PDE1C: variants seen among roughly 807,000 people sequenced by gnomAD.
PDE1C encodes the protein phosphodiesterase 1C, also known as dual specificity calcium/calmodulin-dependent 3',5'-cyclic nucleotide phosphodiesterase 1C.
Under a neutral mutation model 93.1 loss-of-function variants are expected in PDE1C, and 62 were observed. The ratio of observed to expected loss-of-function variants is 0.67; its 90% CI spans 0.54 to 0.82. The LOEUF (loss-of-function observed/expected upper bound fraction) is 0.82, where lower values mean the gene tolerates loss of function less well. PDE1C is among the 40% of genes least tolerant of loss of function. PDE1C has a pLI of 0.00. For synonymous variants in PDE1C, 325 were observed against 310.1 expected (o/e 1.05, Z -0.50); for missense variants, 742 against 884.6 (o/e 0.84, Z 2.04).
chr7:31,629,682 G>A, the PDE1C span, among the ~76,000 whole-genome samples: 1 of 152,276 alleles, frequency 6.6e-6, no homozygotes, highest in South Asian at 2.1e-4. Context: ...CTCTCAAAAA[G>A]CATCCTCATA....
Position 31,850,705 on chromosome 7 carries a change from A to C in PDE1C, c.787T>G (p.Phe263Val), listed in dbSNP as rs1158222759. The C allele has an allele frequency of 6.2e-7, 1 of 1,613,462 alleles. No homozygotes were observed. The highest frequency in any genetic ancestry group is 1.1e-5 in the South Asian group (1 of 91,072). The change falls in exon 8 of 18, where the codon TTC becomes GTC. Residue 263 changes from phenylalanine (F) to valine (V), a missense_variant. Phe to Val is a conservative substitution (Grantham distance 50). Around this residue, in one of 4 missense-constraint regions of PDE1C, gnomAD observed 205 missense variants for 295.3 expected, o/e 0.69. Transcript: ENST00000396191. ...TCGTAGTCATGGATGGCAGCTGAGA[A>C]GATTATAGCAAAGATCTCCAGCTCC... ...LTELEIFAIIFSAAIHDYEHT... is the reference protein window; with the variant it reads ...LTELEIFAIIVSAAIHDYEHT...
chr7:32,055,328 T>A (rs187238660), intron 1 of PDE1C, among the ~76,000 whole-genome samples: 35 of 152,304 alleles, frequency 2.3e-4, no homozygotes, highest in African/African-American at 7.7e-4. Context: ...ACCTCCTCTG[T>A]TCCATTCCTC....
chr7:31,883,746 G>T lies in PDE1C; in HGVS notation c.129-2886C>A, dbSNP rs986320988. On this transcript the variant is annotated intron_variant, in intron 2 of 17. Transcript: ENST00000396191. ...CCAGAAGAGGAGTGGGGCCTTCAGG[G>T]AAAGCTTCACTTAGAATCTCACTCA... 2.6e-5 allele frequency among the ~76,000 whole-genome samples: 4 copies of T among 152,310 alleles called. No individual in the cohort carries two copies. In the South Asian group the frequency reaches 8.3e-4, roughly 32 times the overall value.
At chr7:31,711,205 C>T in the PDE1C span, among the ~76,000 whole-genome samples, 1 of 152,138 alleles carries the variant, frequency 6.6e-6, no homozygotes, top group Non-Finnish European at 1.5e-5. Context: ...TACAGATCCT[C>T]GTGTTCTTAT....
At chr7:32,020,343 G>A (rs1278313131) in intron 2 of PDE1C, among the ~76,000 whole-genome samples, 1 of 151,556 alleles carries the variant, frequency 6.6e-6, no homozygotes, top group Non-Finnish European at 1.5e-5. Context: ...GTTGGTCAAG[G>A]GACCAAAAAT....
intron 1 of PDE1C, among the ~76,000 whole-genome samples, chr7:32,324,515 C>A (rs534817450): frequency 1.5e-3 from 225 of 152,318 alleles, no homozygotes; most frequent in African/African-American, 5.1e-3. Context: ...CATGGGCATT[C>A]CCAAGTTAAT....
At chr7:31,740,661 G>A in the PDE1C span, among the ~76,000 whole-genome samples, 1 of 152,096 alleles carries the variant, frequency 6.6e-6, no homozygotes, top group African/African-American at 2.4e-5. Context: ...TTATTTATGT[G>A]AACTAGTTTT....
At chr7:32,159,694 G>A (rs1316920193) in intron 3 of PDE1C, among the ~76,000 whole-genome samples, 1 of 152,136 alleles carries the variant, frequency 6.6e-6, no homozygotes. Flanking sequence ...TTCTGGCAGG[G>A]GAGATGACAG....
intron 2 of PDE1C, among the ~76,000 whole-genome samples, chr7:31,978,702 G>T (rs575008743): frequency 0.012 from 1,861 of 152,254 alleles, 14 homozygotes; most frequent in Non-Finnish European, 0.021. Flanking sequence ...TTAACCTGAT[G>T]CCAGGGATGT....
chr7:32,173,806 G>A (rs1037096476), intron 2 of PDE1C, among the ~76,000 whole-genome samples: 10 of 152,152 alleles, frequency 6.6e-5, no homozygotes, highest in African/African-American at 2.2e-4. Context: ...CAGAAGGACA[G>A]CTCTGCCAGG....
chr7:32,077,826 C>A, intron 3 of PDE1C: 1 of 980,268 alleles, frequency 1.0e-6, no homozygotes, highest in South Asian at 4.7e-5. Flanking sequence ...GCCTCGGCCT[C>A]CCAAAATGCT....
chr7:31,834,486 G>C (rs760563269), intron 11 of PDE1C, among the ~76,000 whole-genome samples: 12 of 152,206 alleles, frequency 7.9e-5, no homozygotes, highest in Non-Finnish European at 1.5e-4. Flanking sequence ...AAGACCATGA[G>C]AACCCATCTC....
At chr7:31,632,479 A>C in the PDE1C span, among the ~76,000 whole-genome samples, 1 of 152,146 alleles carries the variant, frequency 6.6e-6, no homozygotes, top group African/African-American at 2.4e-5. Context: ...AAAATTATCC[A>C]TGACAGGATG....
intron 2 of PDE1C, among the ~76,000 whole-genome samples, chr7:31,963,428 C>T (rs1299609797): frequency 2.0e-5 from 3 of 152,138 alleles, no homozygotes; most frequent in Non-Finnish European, 4.4e-5. Context: ...GACTATTTCC[C>T]AGTTTATTCA....
chr7:32,078,882 C>T (rs781657122), intron 3 of PDE1C, among the ~76,000 whole-genome samples: 85 of 148,350 alleles, frequency 5.7e-4, no homozygotes, highest in Non-Finnish European at 1.1e-3. Context: ...GCCATGATCA[C>T]AGGATTACAC....
intron 3 of PDE1C, among the ~76,000 whole-genome samples, chr7:32,118,688 G>A (rs1438131624): frequency 1.3e-5 from 2 of 152,070 alleles, no homozygotes; most frequent in Non-Finnish European, 2.9e-5. Flanking sequence ...TTTTTATCAG[G>A]AGCCCACTCT....
chr7:32,121,962 T>C (rs1413184769), intron 3 of PDE1C, among the ~76,000 whole-genome samples: 1 of 152,204 alleles, frequency 6.6e-6, no homozygotes, highest in African/African-American at 2.4e-5. Flanking sequence ...TGGTGTGCTA[T>C]ATTCAAGAGA....
At chr7:31,683,293 A>C in the PDE1C span, among the ~76,000 whole-genome samples, 1 of 152,214 alleles carries the variant, frequency 6.6e-6, no homozygotes, top group East Asian at 1.9e-4. Flanking sequence ...ACTACATGTG[A>C]ACTACAATTA....
At chr7:31,916,217 C>T (rs146923924) in intron 2 of PDE1C, among the ~76,000 whole-genome samples, 1 of 152,122 alleles carries the variant, frequency 6.6e-6, no homozygotes, top group Non-Finnish European at 1.5e-5. Context: ...TTACTATTGA[C>T]TTCCTCTAGT....
Sources: allele counts gnomAD v4.1 joint callset (sites outside exome capture counted in the v4.1 genomes callset), GRCh38; gene constraint gnomAD v4.1.1; regional missense constraint gnomAD v4.1.1; transcripts MANE v1.5; gene names NCBI Gene and HGNC (gene_info 2026-07-23, HGNC 2026-07-21).